The following RIMS2 variants were observed in gnomAD, a reference collection of about 807,000 sequenced individuals.
RIMS2 encodes regulating synaptic membrane exocytosis 2.
In RIMS2, 59 loss-of-function variants were observed where a neutral mutation model predicts 174.4. The ratio of observed to expected loss-of-function variants is 0.34; its 90% CI spans 0.27 to 0.42. The LOEUF (loss-of-function observed/expected upper bound fraction) is 0.42. Among genes scored for constraint, RIMS2 ranks in the 10% least tolerant of loss-of-function variants. The pLI is 1.00. For synonymous variants in RIMS2, 606 were observed against 572.5 expected (o/e 1.06, Z -0.84); for missense variants, 1,620 against 1,666.3 (o/e 0.97, Z 0.48).
chr8:104,074,282 C>CCACA (rs2097250927), intron 19 of RIMS2, among the ~76,000 whole-genome samples: 2 of 152,146 alleles, frequency 1.3e-5, no homozygotes, highest in Admixed American at 1.3e-4. Context: ...CAAGTGGACT[C>CCACA]TGCCTGGGTG....
intron 1 of RIMS2, among the ~76,000 whole-genome samples, chr8:103,618,914 A>G (rs978051016): frequency 1.3e-5 from 2 of 152,160 alleles, no homozygotes; most frequent in Non-Finnish European, 2.9e-5. Flanking sequence ...ATTGACACCC[A>G]TCTTGACTAC....
intron 3 of RIMS2, among the ~76,000 whole-genome samples, chr8:103,863,080 A>G (rs999425537): frequency 1.3e-5 from 2 of 152,102 alleles, no homozygotes; most frequent in Non-Finnish European, 2.9e-5. Flanking sequence ...TTCCCCATTC[A>G]CTATGATATT....
chr8:103,987,558 C>T (rs1488741660), intron 16 of RIMS2, among the ~76,000 whole-genome samples: 1 of 152,052 alleles, frequency 6.6e-6, no homozygotes, highest in Non-Finnish European at 1.5e-5. Flanking sequence ...GAGAAATTTA[C>T]ATTAATAGCA....
chr8:103,976,760 ATGGTCTTGATC>A, intron 16 of RIMS2: 1 of 152,078 alleles, frequency 6.6e-6, no homozygotes, highest in African/African-American at 2.4e-5. Flanking sequence ...GTTGGCCAGG[ATGGTCTTGATC>A]TCCTGACCTG....
rs1202787293 is a variant in RIMS2 at position 103,597,478 on chromosome 8, G to C, written c.176+96416G>C. Among the ~76,000 whole-genome samples, 4 of 152,120 alleles carry C rather than the reference G, an allele frequency of 2.6e-5. No homozygotes were observed. The East Asian group carries it at 5.8e-4, about 22-fold the overall frequency. ...TCTACTTGTTTTCCTGGCTCTGGCT[G>C]TGTTTATTTTCCAGTCTCTGCTTCC... On this transcript the variant is annotated intron_variant, in intron 1 of 23. Coordinates refer to ENST00000504942, the Ensembl canonical transcript of RIMS2.
intron 19 of RIMS2, among the ~76,000 whole-genome samples, chr8:104,235,746 A>T (rs1205906711): frequency 2.0e-5 from 3 of 152,110 alleles, no homozygotes; most frequent in Non-Finnish European, 4.4e-5. Flanking sequence ...AGTTGCAGAC[A>T]TCATGATAAA....
intron 19 of RIMS2, among the ~76,000 whole-genome samples, chr8:104,155,899 A>T (rs944143879): frequency 1.2e-4 from 18 of 152,168 alleles, no homozygotes; most frequent in Admixed American, 9.8e-4. Flanking sequence ...TTTACCAAAA[A>T]ATTCTAAGTT....
chr8:103,709,392 A>G (rs1228961002), intron 2 of RIMS2, among the ~76,000 whole-genome samples: 1 of 139,818 alleles, frequency 7.2e-6, no homozygotes, highest in Non-Finnish European at 1.5e-5. Flanking sequence ...AGGTTGGATG[A>G]CAGGTGTTGT....
chr8:103,595,246 G>T (rs1482638626), intron 1 of RIMS2, among the ~76,000 whole-genome samples: 1 of 151,748 alleles, frequency 6.6e-6, no homozygotes, highest in African/African-American at 2.4e-5. Context: ...AAGTGTCCAT[G>T]TTAGCAGATT....
At chr8:103,604,440 C>T (rs2094939325) in intron 1 of RIMS2, among the ~76,000 whole-genome samples, 1 of 152,098 alleles carries the variant, frequency 6.6e-6, no homozygotes, top group Non-Finnish European at 1.5e-5. Context: ...TGTGATGCCT[C>T]CAGCTTTGTT....
chr8:103,987,132 G>A (rs1264210104), intron 16 of RIMS2, among the ~76,000 whole-genome samples: 2 of 151,852 alleles, frequency 1.3e-5, no homozygotes, highest in Non-Finnish European at 2.9e-5. Flanking sequence ...AATTCTTAGA[G>A]TATAATAAAA....
intron 2 of RIMS2, among the ~76,000 whole-genome samples, chr8:103,727,985 A>G (rs2097544595): frequency 6.6e-6 from 1 of 152,018 alleles, no homozygotes; most frequent in Non-Finnish European, 1.5e-5. Context: ...TGTTACTGGT[A>G]TTTTAATAGG....
chr8:103,970,077 T>G (rs998058221), intron 15 of RIMS2, among the ~76,000 whole-genome samples: 1 of 152,216 alleles, frequency 6.6e-6, no homozygotes, highest in Non-Finnish European at 1.5e-5. Flanking sequence ...GATAATTTTT[T>G]TATTGATAGG....
chr8:103,801,489 C>T (rs1160587525), intron 3 of RIMS2, among the ~76,000 whole-genome samples: 4 of 152,138 alleles, frequency 2.6e-5, no homozygotes, highest in African/African-American at 7.2e-5. Context: ...GCAGAATAGA[C>T]ATTTTCATAC....
chr8:103,715,111 T>C (rs947824798), intron 2 of RIMS2, among the ~76,000 whole-genome samples: 1 of 152,134 alleles, frequency 6.6e-6, no homozygotes, highest in Non-Finnish European at 1.5e-5. Context: ...GGCAGCACTA[T>C]TGAGTGGCTA....
chr8:104,137,165 T>A (rs1002825143), intron 19 of RIMS2, among the ~76,000 whole-genome samples: 1 of 152,172 alleles, frequency 6.6e-6, no homozygotes, highest in African/African-American at 2.4e-5. Flanking sequence ...TGAGGGACTG[T>A]TTCTTCAAGG....
Position 104,186,715 on chromosome 8 carries a change from A to G in RIMS2, c.3335-58201A>G, listed in dbSNP as rs1254296012. Among the ~76,000 whole-genome samples, 3 of 151,742 alleles carry G rather than the reference A, an allele frequency of 2.0e-5. No homozygotes were observed. The Admixed American group carries it at 2.0e-4, about 10-fold the overall frequency. On this transcript the variant is annotated intron_variant, in intron 19 of 23. Transcript: ENST00000504942. ...TTGTCCTTTTAGGCCTCACCTACTCATAGATTGCTGGGTTCCAGTCCAGAG... is the reference window on the plus strand; with the variant it reads ...TTGTCCTTTTAGGCCTCACCTACTCGTAGATTGCTGGGTTCCAGTCCAGAG...
chr8:103,887,875 G>A (rs1275585155), intron 4 of RIMS2, among the ~76,000 whole-genome samples: 1 of 151,598 alleles, frequency 6.6e-6, no homozygotes, highest in East Asian at 1.9e-4. Flanking sequence ...GATGTGAGTA[G>A]CGGTTCATTT....
At chr8:104,028,492 T>C in intron 19 of RIMS2, among the ~76,000 whole-genome samples, 1 of 152,312 alleles carries the variant, frequency 6.6e-6, no homozygotes. Flanking sequence ...TACATGCCAT[T>C]TTAATTAATT....
Sources: gnomAD v4.1 joint callset for allele counts (sites outside exome capture counted in the v4.1 genomes callset) on GRCh38, gnomAD v4.1.1 for gene constraint, MANE v1.5 for transcripts, NCBI Gene and HGNC (gene_info 2026-07-23, HGNC 2026-07-21) for gene names.